ABAT: variants seen among roughly 807,000 people sequenced by gnomAD.
ABAT encodes 4-aminobutyrate aminotransferase.
A neutral mutation model predicts 64.6 loss-of-function variants in ABAT; 45 were observed. The ratio of observed to expected loss-of-function variants is 0.70; its 90% confidence interval spans 0.55 to 0.89. The LOEUF (loss-of-function observed/expected upper bound fraction) is 0.89. Among genes scored for constraint, ABAT ranks in the 40% least tolerant of loss-of-function variants. The pLI is 0.00. For synonymous variants in ABAT, 297 were observed against 250.5 expected (o/e 1.19, Z -1.75); for missense variants, 633 against 658.4 (o/e 0.96, Z 0.42).
In ABAT at chr16:8,681,458, C is replaced by CCT. The variant is rs550661995; in HGVS notation, c.-42+6747_-42+6748insCT. Among the ~76,000 whole-genome samples the CCT allele has an allele frequency of 1.5e-3, 198 of 133,706 alleles. 1 individual carries two copies. The highest frequency in any genetic ancestry group is 2.3e-3 in the Admixed American group (30 of 13,150). 87.7% of individuals were successfully genotyped at this position (133,706 alleles called of 152,430 possible). A position where few individuals can be genotyped will look rare whatever the true frequency, so the allele number is the denominator to read the frequency against. On this transcript the variant is annotated intron_variant, in intron 1 of 15. Coordinates refer to ENST00000268251, the MANE Select transcript of ABAT (RefSeq NM_020686.6). ...ACTGCAAAGTTTCTCAGCCTCTACA[C>CCT]TTTTTTTTTTTTTTTTGAGAGGGAG...
rs770626445 is a variant in ABAT, at chr16:8,742,314, G to A, written c.71-3687G>A. 7.2e-5 allele frequency among the ~76,000 whole-genome samples: 11 copies of A among 152,114 alleles called. No homozygotes were observed. In the East Asian group the frequency reaches 1.2e-3, roughly 16 times the overall value. ...CCCATTCCCAGTATTTCCACACTCCGGTTCCCAAGAAATCTGATTGCTACA... is the reference window on the plus strand; with the variant it reads ...CCCATTCCCAGTATTTCCACACTCCAGTTCCCAAGAAATCTGATTGCTACA... On this transcript the variant is annotated intron_variant, in intron 2 of 15. Transcript: ENST00000268251.
chr16:8,716,397 G>A (rs373513399), intron 1 of ABAT, among the ~76,000 whole-genome samples: 4 of 152,228 alleles, frequency 2.6e-5, no homozygotes, highest in South Asian at 2.1e-4. Flanking sequence ...TAAAGTAAGC[G>A]CTGAGCAAGT....
chr16:8,722,417 T>C (rs1298655534), intron 1 of ABAT, among the ~76,000 whole-genome samples: 1 of 152,188 alleles, frequency 6.6e-6, no homozygotes, highest in African/African-American at 2.4e-5. Context: ...AATTCTGGGA[T>C]TACAGGCATG....
At chr16:8,731,343 C>G (rs1405748931) in intron 1 of ABAT, 1 of 152,178 alleles carries the variant, frequency 6.6e-6, no homozygotes, top group Non-Finnish European at 1.5e-5. Context: ...CTAGGTAACT[C>G]AACCCAAAGA....
At chr16:8,772,500 G>C (rs1448087247) in intron 11 of ABAT, among the ~76,000 whole-genome samples, 16 of 152,182 alleles carry the variant, frequency 1.1e-4, no homozygotes, top group Admixed American at 1.0e-3. Context: ...GATTCTGTCA[G>C]TGTGCCCATA....
intron 1 of ABAT, among the ~76,000 whole-genome samples, chr16:8,692,180 A>G (rs1205116593): frequency 1.3e-5 from 2 of 152,134 alleles, no homozygotes; most frequent in African/African-American, 2.4e-5. Context: ...CAGGAGTTAG[A>G]GACCAGTCTG....
At chr16:8,755,213 C>G (rs2059616424) in intron 5 of ABAT, among the ~76,000 whole-genome samples, 1 of 152,106 alleles carries the variant, frequency 6.6e-6, no homozygotes, top group Admixed American at 6.6e-5. Context: ...TGTACTAACC[C>G]TGAGGTGGGT....
At chr16:8,761,227 T>C (rs1436837855) in intron 6 of ABAT, among the ~76,000 whole-genome samples, 1 of 122,766 alleles carries the variant, frequency 8.1e-6, no homozygotes, top group Non-Finnish European at 1.7e-5. Context: ...CCCTCTCACC[T>C]CGTCAGGGAC....
chr16:8,773,926 A>G (rs1021280640), intron 12 of ABAT, among the ~76,000 whole-genome samples: 2 of 151,976 alleles, frequency 1.3e-5, no homozygotes, highest in African/African-American at 2.4e-5. Flanking sequence ...TATATGTACC[A>G]TATTTTCTTT....
intron 1 of ABAT, among the ~76,000 whole-genome samples, chr16:8,682,882 C>T (rs1376087773): frequency 2.0e-5 from 3 of 152,256 alleles, no homozygotes; most frequent in Non-Finnish European, 4.4e-5. Context: ...TGTGAATCTG[C>T]GTTTTAACAA....
intron 4 of ABAT, 84 bp downstream of exon 4, chr16:8,748,221 C>CT (rs2059386799): frequency 1.5e-6 from 2 of 1,316,112 alleles, no homozygotes; most frequent in East Asian, 2.3e-5. Context: ...TGTTCTGGCT[C>CT]TTTTTTAAAA....
intron 2 of ABAT, among the ~76,000 whole-genome samples, chr16:8,742,855 G>C (rs2059202577): frequency 8.5e-6 from 1 of 118,158 alleles, no homozygotes; most frequent in Non-Finnish European, 1.7e-5. Context: ...GACAGAGTGA[G>C]ACCCTGTCTC....
At chr16:8,703,169 G>A (rs572520281) in intron 1 of ABAT, among the ~76,000 whole-genome samples, 10 of 152,146 alleles carry the variant, frequency 6.6e-5, no homozygotes, top group South Asian at 2.1e-4. Context: ...GTTAAGGGCC[G>A]GGTGCAGTGG....
At chr16:8,773,988 G>A (rs769698670) in intron 12 of ABAT, among the ~76,000 whole-genome samples, 2 of 152,102 alleles carry the variant, frequency 1.3e-5, no homozygotes, top group Non-Finnish European at 2.9e-5. Flanking sequence ...GAGTGCAGTG[G>A]CACGATCTTG....
At chr16:8,779,026 G>T (rs527688663) in intron 14 of ABAT, among the ~76,000 whole-genome samples, 1 of 152,330 alleles carries the variant, frequency 6.6e-6, no homozygotes, top group South Asian at 2.1e-4. Context: ...CACCTTTCTA[G>T]AAGAGCTGAC....
Position 8,754,662 on chromosome 16 carries a change from A to ATTTCTTTCTTTCTTTC in ABAT, c.317-3092_317-3091insCTTTCTTTCTTTCTTT, listed in dbSNP as rs779413223. Among the ~76,000 whole-genome samples, 221 of 146,062 alleles carry ATTTCTTTCTTTCTTTC rather than the reference A, an allele frequency of 1.5e-3. 1 individual carries two copies. Among genetic ancestry groups the ATTTCTTTCTTTCTTTC allele is most frequent in the African/African-American group, 4.8e-3 (184 of 38,050 alleles). ...GAGTTTCAGCATTTTCAGCAAGTTG[A>ATTTCTTTCTTTCTTTC]TTTATTTATTTCTTTCTTTCTTTCT... On this transcript the variant is annotated intron_variant, in intron 5 of 15. Coordinates refer to ENST00000268251, the MANE Select transcript of ABAT (RefSeq NM_020686.6).
In ABAT at chr16:8,764,279, T is replaced by C. The variant is rs928783720; in HGVS notation, c.447+130T>C. On this transcript the variant is annotated intron_variant, in intron 7 of 15. Transcript: ENST00000268251. This position sits in a 1 kb window ranked among gnomAD's most constrained non-coding sequence, Gnocchi z 4.2. ...CTTTCTCTCTGAGCTTATTCTTCCA[T>C]GCAGAGTATTTTAAATTTTTCTTTT... 19 of 827,882 alleles carry C rather than the reference T, an allele frequency of 2.3e-5. No homozygotes were observed. In the East Asian group the frequency reaches 4.7e-4, roughly 21 times the overall value. 51.3% of individuals were successfully genotyped at this position (827,882 alleles called of 1,614,324 possible). A position where few individuals can be genotyped will look rare whatever the true frequency, so the allele number is the denominator to read the frequency against.
intron 5 of ABAT, among the ~76,000 whole-genome samples, chr16:8,753,260 C>T (rs9926200): frequency 1.3e-5 from 2 of 151,908 alleles, no homozygotes; most frequent in Non-Finnish European, 2.9e-5. Context: ...TGCCTGGCTA[C>T]TTTTTTTTGT....
chr16:8,701,237 C>A (rs2057815251), intron 1 of ABAT, among the ~76,000 whole-genome samples: 1 of 152,206 alleles, frequency 6.6e-6, no homozygotes, highest in Non-Finnish European at 1.5e-5. Flanking sequence ...CCAGTCTTGA[C>A]CTTAATTCTT....
Sources: gnomAD v4.1 joint callset for allele counts (sites outside exome capture counted in the v4.1 genomes callset) on GRCh38, gnomAD v4.1.1 for gene constraint, Gnocchi (gnomAD v3.1) non-coding constraint, MANE v1.5 for transcripts, NCBI Gene and HGNC (gene_info 2026-07-23, HGNC 2026-07-21) for gene names.